The following CYP27A1 variants were observed in gnomAD, a reference collection of about 807,000 sequenced individuals.
CYP27A1 encodes the protein cytochrome P450 family 27 subfamily A member 1, also known as sterol 26-hydroxylase, mitochondrial.
CYP27A1 carries 46 observed loss-of-function variants against 58.2 expected under a neutral mutation model. The ratio of observed to expected loss-of-function variants is 0.79; its 90% CI spans 0.62 to 1.01. The LOEUF is 1.01. Ranked by LOEUF, CYP27A1 falls within the 50% of genes least tolerant of loss-of-function variation. The pLI is 0.00. For synonymous variants in CYP27A1, 274 were observed against 285.1 expected (o/e 0.96, Z 0.39); for missense variants, 704 against 687.0 (o/e 1.02, Z -0.28).
intron 1 of CYP27A1, among the ~76,000 whole-genome samples, chr2:218,794,904 G>A (rs747950136): frequency 2.6e-5 from 4 of 152,168 alleles, no homozygotes; most frequent in Non-Finnish European, 5.9e-5. Context: ...TCTCTTCCTA[G>A]CAAATATCTG....
At chr2:218,795,804 T>G (rs558729245) in intron 1 of CYP27A1, among the ~76,000 whole-genome samples, 2 of 152,236 alleles carry the variant, frequency 1.3e-5, no homozygotes, top group African/African-American at 4.8e-5. Flanking sequence ...ATAATAGGAC[T>G]GAGTTGTTTG....
intron 1 of CYP27A1, among the ~76,000 whole-genome samples, chr2:218,791,816 T>C (rs1156788285): frequency 6.6e-6 from 1 of 152,202 alleles, no homozygotes. Flanking sequence ...AAAAGCTTTC[T>C]TTTCCTGGTG....
rs536226208 is a variant in CYP27A1, at chr2:218,801,540, T to G, written c.256-8037T>G. ...CCAAAAAACAAAAACAATTATTTTT[T>G]GCAAATAAGTACATGCAGAATATAT... On this transcript the variant is annotated intron_variant, in intron 1 of 8. Coordinates refer to ENST00000258415, the MANE Select transcript of CYP27A1 (RefSeq NM_000784.4). Among the ~76,000 whole-genome samples, 3 of 152,130 alleles carry G rather than the reference T, an allele frequency of 2.0e-5. No homozygotes were observed. In the South Asian group the frequency reaches 6.2e-4, roughly 32 times the overall value.
chr2:218,782,150 C>G lies in CYP27A1; in HGVS notation c.-33C>G. On this transcript the variant is annotated 5_prime_UTR_variant, in exon 1 of 9. Coordinates refer to ENST00000258415, the MANE Select transcript of CYP27A1 (RefSeq NM_000784.4). This position sits in a 1 kb window ranked among gnomAD's most constrained non-coding sequence, Gnocchi z 4.1. ...TGGGCGGGTCCGGGGACTCAGCACT[C>G]GACCCAAAGGTGCAGGCGCGCGAGC... 1 of 1,532,530 alleles carries G rather than the reference C, an allele frequency of 6.5e-7. No homozygotes were observed. The highest frequency in any genetic ancestry group is 1.2e-5 in the South Asian group (1 of 83,702). 94.9% of individuals were successfully genotyped at this position (1,532,530 alleles called of 1,614,324 possible). A position where few individuals can be genotyped will look rare whatever the true frequency, so the allele number is the denominator to read the frequency against.
rs768379778 is a variant in CYP27A1, at chr2:218,802,634, G to A, written c.256-6943G>A. 1.1e-4 allele frequency among the ~76,000 whole-genome samples: 16 copies of A among 152,320 alleles called. No individual in the cohort carries two copies. In the South Asian group the frequency reaches 1.7e-3, roughly 16 times the overall value. ...CCATTTCCTGTAGAAAAGAGAGACAGCCGATGTTTTCTTCGGAGGGCAAAT... is the reference window on the plus strand; with the variant it reads ...CCATTTCCTGTAGAAAAGAGAGACAACCGATGTTTTCTTCGGAGGGCAAAT... On this transcript the variant is annotated intron_variant, in intron 1 of 8. Coordinates refer to ENST00000258415, the MANE Select transcript of CYP27A1 (RefSeq NM_000784.4).
rs921885901 is a variant in CYP27A1 at position 218,812,276 on chromosome 2, G to A, written c.501G>A (p.Lys167=). ...AGGCTCTGAACCAGCGGTTGCTGAA[G>A]CCAGCGGAAGCAGCGCTCTATACGG... ...LRQALNQRLL[K]PAEAALYTDA... The change falls in exon 3 of 9, where the codon AAG becomes AAA. Residue 167 remains lysine, a synonymous_variant. Transcript: ENST00000258415. 1.2e-5 allele frequency: 19 copies of A among 1,614,128 alleles called. No individual in the cohort carries two copies. Among genetic ancestry groups the A allele is most frequent in the African/African-American group, 4.0e-5 (3 of 74,944 alleles).
At chr2:218,796,332 C>A (rs12694441) in intron 1 of CYP27A1, among the ~76,000 whole-genome samples, 71,410 of 152,000 alleles carry the variant, frequency 0.47, 17,256 homozygotes, top group Non-Finnish European at 0.5. Flanking sequence ...GTGGCTCACG[C>A]CTGTAATCCC....
At chr2:218,794,032 A>C (rs913956801) in intron 1 of CYP27A1, among the ~76,000 whole-genome samples, 1 of 152,194 alleles carries the variant, frequency 6.6e-6, no homozygotes, top group Non-Finnish European at 1.5e-5. Flanking sequence ...AATGGAATTT[A>C]TTGGGTGAAA....
intron 1 of CYP27A1, among the ~76,000 whole-genome samples, chr2:218,797,907 T>C (rs2105974426): frequency 6.6e-6 from 1 of 152,390 alleles, no homozygotes; most frequent in East Asian, 1.9e-4. Context: ...GATTAATTTT[T>C]ATAATCCTTT....
In CYP27A1 at chr2:218,814,715, C is replaced by A. The variant is rs139279260; in HGVS notation, c.1434C>A (p.Gly478=). Residue 478 remains glycine, a synonymous_variant, in exon 8 of 9, where the codon GGC becomes GGA. Transcript: ENST00000258415. ...PFGYGVRACL[G]RRIAELEMQL... is the part of the protein sequence containing the mutation. ...GCTATGGGGTCCGGGCCTGCCTGGG[C>A]CGCAGGATTGCAGAGCTGGAGATGC... 5.0e-6 allele frequency: 8 copies of A among 1,614,054 alleles called. No homozygotes were observed. The highest frequency in any genetic ancestry group is 5.9e-6 in the Non-Finnish European group (7 of 1,180,058).
At chr2:218,786,882 C>T (rs991510304) in intron 1 of CYP27A1, among the ~76,000 whole-genome samples, 14 of 151,848 alleles carry the variant, frequency 9.2e-5, no homozygotes, top group African/African-American at 3.4e-4. Context: ...GCAGCTTTGA[C>T]CTCCTGGGCT....
intron 1 of CYP27A1, among the ~76,000 whole-genome samples, chr2:218,785,413 C>T (rs914931412): frequency 6.6e-6 from 1 of 151,896 alleles, no homozygotes; most frequent in Non-Finnish European, 1.5e-5. Flanking sequence ...GTTGGGGATC[C>T]CTGCTTTAAG....
chr2:218,813,801 C>T (rs1269489921), intron 5 of CYP27A1, among the ~76,000 whole-genome samples: 4 of 152,068 alleles, frequency 2.6e-5, no homozygotes, highest in Admixed American at 6.6e-5. Flanking sequence ...GTTGCCGTCC[C>T]CTCCTCCACT....
Position 218,815,006 on chromosome 2 carries a change from G to A in CYP27A1, c.1572G>A (p.Leu524=). ...IVLVPNKKVG[L]QFLQRQC ...TGGTTCCCAATAAGAAAGTGGGCCTGCAGTTCCTGCAGAGACAGTGCTGAG... is the reference window on the plus strand; with the variant it reads ...TGGTTCCCAATAAGAAAGTGGGCCTACAGTTCCTGCAGAGACAGTGCTGAG... Residue 524 remains leucine (L), a synonymous_variant, in exon 9 of 9, where the codon CTG becomes CTA. Coordinates refer to ENST00000258415, the MANE Select transcript of CYP27A1 (RefSeq NM_000784.4). 1.2e-6 allele frequency: 2 copies of A among 1,614,234 alleles called. No homozygotes were observed. Among genetic ancestry groups the A allele is most frequent in the Non-Finnish European group, 1.7e-6 (2 of 1,180,042 alleles).
At chr2:218,805,531 A>G (rs1943642643) in intron 1 of CYP27A1, among the ~76,000 whole-genome samples, 1 of 152,210 alleles carries the variant, frequency 6.6e-6, no homozygotes, top group Admixed American at 6.5e-5. Context: ...TCAAATTCTC[A>G]ACTGTCTGGC....
At chr2:218,801,052 G>C (rs1441901036) in intron 1 of CYP27A1, among the ~76,000 whole-genome samples, 1 of 152,132 alleles carries the variant, frequency 6.6e-6, no homozygotes. Flanking sequence ...CTAAATGTTT[G>C]TGTACATTCT....
At chr2:218,810,969 A>C (rs1000084167) in intron 2 of CYP27A1, among the ~76,000 whole-genome samples, 2 of 152,076 alleles carry the variant, frequency 1.3e-5, no homozygotes, top group Non-Finnish European at 2.9e-5. Context: ...AACACGGTGA[A>C]ACCCCGACTC....
intron 6 of CYP27A1, 35 bp from the exon 7 acceptor site, chr2:218,814,345 T>A (rs768823291): frequency 6.2e-7 from 1 of 1,610,146 alleles, no homozygotes; most frequent in Admixed American, 1.7e-5. Flanking sequence ...CCCCCATGAA[T>A]CCAGAGCAGA....
intron 1 of CYP27A1, among the ~76,000 whole-genome samples, chr2:218,791,794 C>T (rs1375564206): frequency 6.6e-6 from 1 of 152,142 alleles, no homozygotes; most frequent in South Asian, 2.1e-4. Context: ...TGTCCTCAGT[C>T]AGTGAACCAT....
Sources: gnomAD v4.1 joint callset for allele counts (sites outside exome capture counted in the v4.1 genomes callset) on GRCh38, gnomAD v4.1.1 for gene constraint, Gnocchi (gnomAD v3.1) non-coding constraint, MANE v1.5 for transcripts, NCBI Gene and HGNC (gene_info 2026-07-23, HGNC 2026-07-21) for gene names.